KDR: variants seen among roughly 807,000 people sequenced by gnomAD.
KDR encodes the protein vascular endothelial growth factor receptor 2.
Under a neutral mutation model 160.9 loss-of-function variants are expected in KDR, and 43 were observed. The observed-to-expected ratio is 0.27, with a 90% CI of 0.21 to 0.34. The LOEUF is 0.34. Ranked by LOEUF, KDR falls within the 10% of genes least tolerant of loss-of-function variation. KDR has a pLI of 1.00. For missense variants in KDR, 1,469 were observed against 1,666.4 expected, an observed-to-expected ratio of 0.88 and a Z score of 2.06; for synonymous variants, 617 against 600.1, an observed-to-expected ratio of 1.03 and a Z score of -0.41.
chr4:55,103,191 T>C (rs1288066977), intron 13 of KDR, among the ~76,000 whole-genome samples: 1 of 152,104 alleles, frequency 6.6e-6, no homozygotes, highest in Non-Finnish European at 1.5e-5. Flanking sequence ...TTAAAGAAAA[T>C]GAAGCCCATG....
chr4:55,082,315 T>C (rs1306403795), intron 28 of KDR, among the ~76,000 whole-genome samples: 1 of 152,168 alleles, frequency 6.6e-6, no homozygotes, highest in Non-Finnish European at 1.5e-5. Flanking sequence ...ACTTGCACTT[T>C]AGTGAAATTG....
At chr4:55,094,335 G>A (rs188243691) in intron 21 of KDR, among the ~76,000 whole-genome samples, 7 of 152,258 alleles carry the variant, frequency 4.6e-5, no homozygotes, top group South Asian at 4.1e-4. Context: ...TTGATAAGCC[G>A]CTTGGGGTAG....
Position 55,104,003 on chromosome 4 carries a change from G to A in KDR, c.1987+640C>T, listed in dbSNP as rs1033148244. Among the ~76,000 whole-genome samples the A allele has an allele frequency of 9.2e-5, 14 of 152,110 alleles. No homozygotes were observed. In the East Asian group the frequency reaches 1.7e-3, roughly 19 times the overall value. ...GAGCTATCTGCTCACTGAAGTGATC[G>A]TCCCATTGACCTTGGGCTACGCTGG... On this transcript the variant is annotated intron_variant, in intron 13 of 29. Transcript: ENST00000263923.
chr4:55,082,668 T>G (rs906414824), intron 27 of KDR, 33 bp from the exon 28 acceptor site: 1 of 1,549,208 alleles, frequency 6.5e-7, no homozygotes, highest in Non-Finnish European at 8.9e-7. Flanking sequence ...ATTTTAGTGG[T>G]GGTATATTTG....
chr4:55,124,662 A>T (rs529289545), intron 1 of KDR, among the ~76,000 whole-genome samples: 1 of 147,742 alleles, frequency 6.8e-6, no homozygotes, highest in South Asian at 2.3e-4. Context: ...GCACCAAGGA[A>T]GGAAAAAAAG....
At chr4:55,103,274 T>C (rs1438060482) in intron 13 of KDR, among the ~76,000 whole-genome samples, 3 of 152,200 alleles carry the variant, frequency 2.0e-5, no homozygotes, top group Admixed American at 1.3e-4. Flanking sequence ...TGTGGAAATA[T>C]CTTGTCCCAA....
chr4:55,089,381 G>A lies in KDR; in HGVS notation c.3397C>T (p.Pro1133Ser), dbSNP rs192975612. The change falls in exon 25 of 30, where the codon CCA becomes TCA. Residue 1133 changes from proline to serine, a missense_variant. Pro to Ser is a moderately conservative substitution (Grantham distance 74, BLOSUM62 -1). Transcript: ENST00000263923. ...TACTTCTTAAAGTCTTACATTTCTG[G>A]TGTAGTATAATCAGGGGCCCTCATT... Reference protein sequence around the residue: ...TRMRAPDYTTPEMYQTMLDCW... With the variant: ...TRMRAPDYTTSEMYQTMLDCW... 161 of 1,601,822 alleles carry A rather than the reference G, an allele frequency of 1.0e-4. No individual in the cohort carries two copies. Among genetic ancestry groups the A allele is most frequent in the Non-Finnish European group, 5.8e-5 (68 of 1,169,358 alleles).
intron 20 of KDR, 109 bp from the exon 21 acceptor site, chr4:55,095,064 A>G: frequency 9.3e-7 from 1 of 1,072,840 alleles, no homozygotes; most frequent in Non-Finnish European, 1.4e-6. Context: ...AACTACTAAA[A>G]AGCAGACAAG....
intron 3 of KDR, among the ~76,000 whole-genome samples, chr4:55,117,256 T>G (rs185726707): frequency 7.5e-4 from 114 of 152,332 alleles, no homozygotes; most frequent in Non-Finnish European, 9.8e-4. Context: ...AATTTTCACA[T>G]GTCTCCAAGT....
intron 14 of KDR, 135 bp downstream of exon 14, chr4:55,102,225 TAA>T (rs574275591): frequency 7.0e-6 from 9 of 1,285,256 alleles, no homozygotes; most frequent in Non-Finnish European, 1.0e-5. Context: ...ACTCCAATTC[TAA>T]GTCTGTGAAA....
intron 27 of KDR, among the ~76,000 whole-genome samples, chr4:55,083,058 A>G (rs1719778097): frequency 6.6e-6 from 1 of 152,200 alleles, no homozygotes. Flanking sequence ...CAGAGCAACC[A>G]TTCAATGAAA....
intron 1 of KDR, among the ~76,000 whole-genome samples, chr4:55,123,532 G>A (rs375455334): frequency 2.6e-5 from 4 of 152,154 alleles, no homozygotes; most frequent in African/African-American, 7.2e-5. Context: ...CTAGAGACAC[G>A]TTTACAACAA....
In KDR at chr4:55,102,211, C is replaced by G. The variant is rs148248372; in HGVS notation, c.2134+151G>C. On this transcript the variant is annotated intron_variant, in intron 14 of 29. Transcript: ENST00000263923. Reference sequence around the variant, plus strand: ...GCTTTCATGAAAATTCAACAGGGCCCCATACTCCAATTCTAAGTCTGTGAA... The same window carrying G: ...GCTTTCATGAAAATTCAACAGGGCCGCATACTCCAATTCTAAGTCTGTGAA... The G allele has an allele frequency of 2.6e-3, 3,195 of 1,236,452 alleles. 8 individuals are homozygous for G. Among genetic ancestry groups the G allele is most frequent in the Middle Eastern group, 3.6e-3 (14 of 3,838 alleles). 76.6% of individuals were successfully genotyped at this position (1,236,452 alleles called of 1,614,324 possible). A position where few individuals can be genotyped will look rare whatever the true frequency, so the allele number is the denominator to read the frequency against.
chr4:55,102,398 AC>A lies in KDR; in HGVS notation c.2097del (p.Met699IlefsTer10). ...TASGNPPPQIMWFKDNETLVE... is the reference protein window; with the variant it reads ...TASGNPPPQIXWFKDNETLVE... ...ACAAGGGTCTCATTATCTTTAAACC[AC>A]ATGATCTGTGGAGGGGGATTCCCAG... On this transcript the variant is annotated frameshift_variant, in exon 14 of 30. Transcript: ENST00000263923. LOFTEE classifies it high-confidence loss of function. 1 of 1,613,782 alleles carries A rather than the reference AC, an allele frequency of 6.2e-7. No homozygotes were observed. The highest frequency in any genetic ancestry group is 8.5e-7 in the Non-Finnish European group (1 of 1,179,750).
At chr4:55,114,779 ACT>A (rs1441174163) in intron 5 of KDR, 93 bp downstream of exon 5, 1 of 1,139,942 alleles carries the variant, frequency 8.8e-7, no homozygotes, top group Non-Finnish European at 1.3e-6. Context: ...GAGTTCCTAT[ACT>A]TTTCAATATC....
chr4:55,099,903 A>C (rs781746410), intron 15 of KDR, among the ~76,000 whole-genome samples: 2 of 152,188 alleles, frequency 1.3e-5, no homozygotes, highest in Non-Finnish European at 2.9e-5. Flanking sequence ...CACATCACGC[A>C]TGGCCTGGTA....
intron 21 of KDR, among the ~76,000 whole-genome samples, chr4:55,094,012 C>T (rs9799762): frequency 0.22 from 32,942 of 150,510 alleles, 3,948 homozygotes; most frequent in East Asian, 0.47. Context: ...CCAGCCTGGC[C>T]AACATGGTGA....
intron 26 of KDR, among the ~76,000 whole-genome samples, chr4:55,088,340 T>C (rs912188902): frequency 3.9e-5 from 6 of 152,200 alleles, no homozygotes; most frequent in South Asian, 4.1e-4. Context: ...CCCCCAGCTG[T>C]TCAAAAGAAA....
chr4:55,080,060 C>A lies in KDR; in HGVS notation c.3952G>T (p.Val1318Leu), dbSNP rs770504400. ...GYHSDDTDTT[V>L]YSSEEAELLK... ...AGTTCTGCTTCCTCACTGGAGTACACGGTGGTGTCTGTGTCATCGGAGTGA... is the reference window on the plus strand; with the variant it reads ...AGTTCTGCTTCCTCACTGGAGTACAAGGTGGTGTCTGTGTCATCGGAGTGA... The change falls in exon 30 of 30, where the codon GTG becomes TTG. Residue 1318 changes from valine (V) to leucine (L), a missense_variant. Val to Leu is a conservative substitution (Grantham distance 32). This residue lies in a region of KDR where 229 missense variants were observed against 197.8 expected (regional missense o/e 1.16). Coordinates refer to ENST00000263923, the MANE Select transcript of KDR (RefSeq NM_002253.4). 45 of 1,614,046 alleles carry A rather than the reference C, an allele frequency of 2.8e-5. 1 individual carries two copies. In the South Asian group the frequency reaches 4.5e-4, roughly 16 times the overall value.
Sources: gnomAD v4.1 joint callset for allele counts (sites outside exome capture counted in the v4.1 genomes callset) on GRCh38, gnomAD v4.1.1 for gene constraint, gnomAD v4.1.1 regional missense constraint, MANE v1.5 for transcripts, NCBI Gene and HGNC (gene_info 2026-07-23, HGNC 2026-07-21) for gene names.